Variants in ANO3 observed in about 807,000 individuals in gnomAD.
ANO3 encodes anoctamin-3.
In ANO3, 99 loss-of-function variants were observed where a neutral mutation model predicts 144.8. That is an observed-to-expected ratio of 0.68 (90% CI 0.58 to 0.81). The LOEUF (loss-of-function observed/expected upper bound fraction) is 0.81, where lower values mean the gene tolerates loss of function less well. ANO3 is among the 30% of genes least tolerant of loss of function. The probability of loss-of-function intolerance (pLI) is 0.00; values close to 1 mark genes in which losing one functional copy is unlikely to be tolerated. For missense variants in ANO3, 905 were observed against 1,202.2 expected (o/e 0.75, Z 3.66); for synonymous variants, 414 against 392.6 (o/e 1.05, Z -0.64).
chr11:26,331,505 T>A (rs1855039570), upstream of ANO3: 1 of 152,168 alleles, frequency 6.6e-6, no homozygotes, highest in Admixed American at 6.5e-5. Context: ...AATATTAGAA[T>A]CATAGTTTAC....
intron 17 of ANO3, among the ~76,000 whole-genome samples, chr11:26,616,984 GCTGGTTTCGAC>G (rs2132985032): frequency 6.6e-6 from 1 of 152,230 alleles, no homozygotes; most frequent in South Asian, 2.1e-4. Flanking sequence ...TGCTGGCCAG[GCTGGTTTCGAC>G]CTCCTGACCT....
At chr11:26,559,630 A>G in intron 13 of ANO3, 89 bp from the exon 14 acceptor site, 1 of 891,522 alleles carries the variant, frequency 1.1e-6, no homozygotes, top group African/African-American at 1.7e-5. Flanking sequence ...CTATTTGAGA[A>G]AAAATCATAG....
At chr11:26,316,013 A>G (rs1854617167) in intron 1 of ANO3, among the ~76,000 whole-genome samples, 1 of 152,132 alleles carries the variant, frequency 6.6e-6, no homozygotes, top group Non-Finnish European at 1.5e-5. Context: ...TGAGGGTGAG[A>G]ACAGAAGGGG....
At chr11:26,233,225 AAAAAG>A (rs1554926559) in intron 1 of ANO3, among the ~76,000 whole-genome samples, 1 of 151,438 alleles carries the variant, frequency 6.6e-6, no homozygotes, top group African/African-American at 2.4e-5. Context: ...TCAAAAAAAA[AAAAAG>A]AAAAGAAAAG....
chr11:26,326,014 T>C (rs1009715214), intron 1 of ANO3, among the ~76,000 whole-genome samples: 24 of 152,128 alleles, frequency 1.6e-4, no homozygotes, highest in Non-Finnish European at 2.9e-5. Context: ...TCTTTCCACA[T>C]ATCTCTGCTA....
intron 1 of ANO3, among the ~76,000 whole-genome samples, chr11:26,208,871 G>A (rs1360252970): frequency 2.0e-5 from 3 of 152,136 alleles, no homozygotes; most frequent in African/African-American, 4.8e-5. Context: ...TAAACTGAAG[G>A]CAGATAGCAG....
At chr11:26,257,041 ATTAT>A (rs1326359400) in intron 1 of ANO3, among the ~76,000 whole-genome samples, 1 of 152,104 alleles carries the variant, frequency 6.6e-6, no homozygotes, top group African/African-American at 2.4e-5. Context: ...TTGTCTGATG[ATTAT>A]TGATTAGATG....
chr11:26,507,911 G>A (rs948194142), intron 4 of ANO3, among the ~76,000 whole-genome samples, 193 bp from the exon 5 acceptor site: 28 of 152,200 alleles, frequency 1.8e-4, no homozygotes, highest in African/African-American at 6.7e-4. Context: ...TCATATCCTG[G>A]AACATCACTC....
At chr11:26,278,377 G>T (rs1853604171) in intron 1 of ANO3, among the ~76,000 whole-genome samples, 1 of 152,118 alleles carries the variant, frequency 6.6e-6, no homozygotes, top group Non-Finnish European at 1.5e-5. Context: ...GATCAGACAG[G>T]CAGACAAATT....
intron 1 of ANO3, among the ~76,000 whole-genome samples, chr11:26,433,534 T>C (rs1336879228): frequency 6.6e-6 from 1 of 152,210 alleles, no homozygotes; most frequent in Non-Finnish European, 1.5e-5. Context: ...TGTGGGTTTG[T>C]CATAGATGGC....
rs942059529 is a variant in ANO3 at position 26,643,232 on chromosome 11, C to T, written c.2326C>T (p.Pro776Ser). 3 of 1,613,850 alleles carry T rather than the reference C, an allele frequency of 1.9e-6. No individual in the cohort carries two copies. The highest frequency in any genetic ancestry group is 2.5e-6 in the Non-Finnish European group (3 of 1,179,930). ...CTTTGTTGCGGCTTTTCCTCTAGCCCCTCTTTTGGCTTTGTTAAACAATAT... is the reference window on the plus strand; with the variant it reads ...CTTTGTTGCGGCTTTTCCTCTAGCCTCTCTTTTGGCTTTGTTAAACAATAT... ...TIFVAAFPLA[P>S]LLALLNNIIE... Residue 776 changes from proline to serine, a missense_variant, in exon 23 of 27, where the codon CCT becomes TCT. Physicochemically the swap from Pro to Ser is moderately conservative, Grantham distance 74 (BLOSUM62 -1). Coordinates refer to ENST00000256737, the MANE Select transcript of ANO3 (RefSeq NM_031418.4).
intron 1 of ANO3, among the ~76,000 whole-genome samples, chr11:26,418,662 A>G (rs1482200554): frequency 6.6e-6 from 1 of 152,132 alleles, no homozygotes; most frequent in African/African-American, 2.4e-5. Flanking sequence ...TGAAGCAGGC[A>G]GGGATGATCA....
chr11:26,328,191 G>T (rs1854938202), upstream of ANO3, among the ~76,000 whole-genome samples: 1 of 152,186 alleles, frequency 6.6e-6, no homozygotes, highest in Admixed American at 6.5e-5. Context: ...GGAGCATATA[G>T]CCTGGATATC....
intron 4 of ANO3, among the ~76,000 whole-genome samples, chr11:26,488,594 G>A (rs550557418): frequency 7.2e-5 from 11 of 152,210 alleles, no homozygotes; most frequent in South Asian, 2.1e-4. Context: ...GAGTGAAGCC[G>A]CAGACCTTTG....
chr11:26,495,446 T>C (rs899794349), intron 4 of ANO3, among the ~76,000 whole-genome samples: 1 of 152,064 alleles, frequency 6.6e-6, no homozygotes, highest in African/African-American at 2.4e-5. Flanking sequence ...ACTCCTGTAC[T>C]GGAAAGAGCT....
chr11:26,598,105 C>A (rs780286410), intron 14 of ANO3, among the ~76,000 whole-genome samples: 2 of 152,150 alleles, frequency 1.3e-5, no homozygotes, highest in African/African-American at 2.4e-5. Flanking sequence ...TTGATTGCAT[C>A]ATTTTGATGA....
chr11:26,543,279 TCTC>T (rs1554967549), intron 11 of ANO3, among the ~76,000 whole-genome samples: 5 of 151,866 alleles, frequency 3.3e-5, no homozygotes, highest in Non-Finnish European at 7.4e-5. Context: ...TGCCCTCTGA[TCTC>T]CTGCTGGCAC....
At chr11:26,488,261 A>G (rs769007222) in intron 4 of ANO3, among the ~76,000 whole-genome samples, 5 of 152,214 alleles carry the variant, frequency 3.3e-5, no homozygotes, top group Non-Finnish European at 7.3e-5. Flanking sequence ...TGCAGTAGAA[A>G]AGAAAACCCC....
chr11:26,534,474 A>C lies in ANO3; in HGVS notation c.888A>C (p.Lys296Asn). The change falls in exon 9 of 27, where the codon AAA (lysine) becomes AAC (asparagine). Residue 296 changes from lysine (K) to asparagine (N), a missense_variant. Physicochemically the swap from Lys to Asn is moderately conservative, Grantham distance 94. Coordinates refer to ENST00000256737, the MANE Select transcript of ANO3 (RefSeq NM_031418.4). ...TTAACAGCTTCATAATAAATAATAA[A>C]GACACCTTCTTCAGCAATGCTACTC... is the stretch of plus-strand genomic sequence containing the variant. ...ARIHHFIINN[K>N]DTFFSNATRS... 6.2e-7 allele frequency: 1 copy of C among 1,612,170 alleles called. No homozygotes were observed. The highest frequency in any genetic ancestry group is 8.5e-7 in the Non-Finnish European group (1 of 1,178,622).
Sources: allele counts gnomAD v4.1 joint callset (sites outside exome capture counted in the v4.1 genomes callset), GRCh38; gene constraint gnomAD v4.1.1; transcripts MANE v1.5; gene names NCBI Gene and HGNC (gene_info 2026-07-23, HGNC 2026-07-21).